The following NBAS variants were observed in gnomAD, a reference collection of about 807,000 sequenced individuals.
The protein encoded by NBAS is NAG/BC035112 fusion.
NBAS carries 219 observed loss-of-function variants against 302.5 expected under a neutral mutation model. The observed-to-expected ratio is 0.72, with a 90% CI of 0.65 to 0.81. The LOEUF is 0.81. Ranked by LOEUF, NBAS falls within the 30% of genes least tolerant of loss-of-function variation. The pLI is 0.00. For missense variants in NBAS, 2,932 were observed against 2,841.6 expected (o/e 1.03, Z -0.72); for synonymous variants, 1,118 against 1,021.6 (o/e 1.09, Z -1.80).
At chr2:15,292,904 G>T in intron 40 of NBAS, 138 bp from the exon 41 acceptor site, 1 of 874,234 alleles carries the variant, frequency 1.1e-6, no homozygotes, top group Non-Finnish European at 1.8e-6. Context: ...GGCTCACAAC[G>T]GCCCTGAAAA....
the NBAS span, among the ~76,000 whole-genome samples, chr2:15,025,211 T>C: frequency 1.3e-5 from 2 of 152,220 alleles, no homozygotes; most frequent in African/African-American, 2.4e-5. Flanking sequence ...ACACCATTTA[T>C]TGAATAAGGA....
the NBAS span, among the ~76,000 whole-genome samples, chr2:15,157,639 C>T: frequency 4.6e-5 from 7 of 152,288 alleles, no homozygotes; most frequent in South Asian, 8.3e-4. Flanking sequence ...TATTTCATCA[C>T]AAGCTACATC....
At chr2:15,425,674 T>C (rs1677434343) in intron 22 of NBAS, among the ~76,000 whole-genome samples, 1 of 152,142 alleles carries the variant, frequency 6.6e-6, no homozygotes, top group African/African-American at 2.4e-5. Flanking sequence ...TTAACATTCT[T>C]CCAGGGATTT....
the NBAS span, among the ~76,000 whole-genome samples, chr2:15,085,304 G>A: frequency 6.6e-6 from 1 of 152,076 alleles, no homozygotes; most frequent in Non-Finnish European, 1.5e-5. Flanking sequence ...CCCCACCAAG[G>A]GTGCCGTGTT....
chr2:15,354,089 G>C (rs558047193), intron 33 of NBAS, among the ~76,000 whole-genome samples: 1 of 152,154 alleles, frequency 6.6e-6, no homozygotes, highest in South Asian at 2.1e-4. Flanking sequence ...CTTTAAGAAA[G>C]AGCCAAAAGT....
intron 38 of NBAS, among the ~76,000 whole-genome samples, chr2:15,322,406 T>C (rs529956158): frequency 1.3e-5 from 2 of 151,756 alleles, no homozygotes; most frequent in Non-Finnish European, 2.9e-5. Context: ...AATAAATAAA[T>C]AAATAAAATT....
chr2:14,868,692 A>G, the NBAS span, among the ~76,000 whole-genome samples: 1 of 152,234 alleles, frequency 6.6e-6, no homozygotes, highest in East Asian at 1.9e-4. Flanking sequence ...CTAACTAACA[A>G]AGCAGGGATT....
At chr2:15,153,431 G>C in the NBAS span, among the ~76,000 whole-genome samples, 2 of 152,214 alleles carry the variant, frequency 1.3e-5, no homozygotes, top group South Asian at 4.1e-4. Context: ...TCATGAGAGG[G>C]CATTGCATGG....
At chr2:15,132,864 T>TAAA in the NBAS span, among the ~76,000 whole-genome samples, 1 of 146,498 alleles carries the variant, frequency 6.8e-6, no homozygotes. Flanking sequence ...ACAAACACAC[T>TAAA]AAAAAAAAAA....
chr2:15,242,889 A>T lies in NBAS; in HGVS notation c.5725-4203T>A, dbSNP rs150312108. On this transcript the variant is annotated intron_variant, in intron 44 of 51. Transcript: ENST00000281513. ...ATCAGTTAATAAATAGGTACTAAACATCTACTTTCCAAGACCTGTAAAAAA... is the reference window on the plus strand; with the variant it reads ...ATCAGTTAATAAATAGGTACTAAACTTCTACTTTCCAAGACCTGTAAAAAA... Among the ~76,000 whole-genome samples the T allele has an allele frequency of 2.0e-5, 3 of 152,288 alleles. No individual in the cohort carries two copies. In the East Asian group the frequency reaches 5.8e-4, roughly 29 times the overall value.
intron 21 of NBAS, among the ~76,000 whole-genome samples, chr2:15,450,387 C>T (rs1200886165): frequency 1.3e-5 from 2 of 152,162 alleles, no homozygotes; most frequent in Non-Finnish European, 2.9e-5. Flanking sequence ...CAAAAACATG[C>T]TCAACTTTCA....
chr2:14,938,551 A>C, the NBAS span, among the ~76,000 whole-genome samples: 117 of 152,344 alleles, frequency 7.7e-4, no homozygotes, highest in African/African-American at 2.8e-3. Context: ...ATTCTCTAGA[A>C]GACTAACTAT....
At chr2:14,882,225 T>C in the NBAS span, among the ~76,000 whole-genome samples, 2 of 152,058 alleles carry the variant, frequency 1.3e-5, no homozygotes, top group East Asian at 1.9e-4. Flanking sequence ...CAGTAATTCA[T>C]CCTATCTGCT....
intron 1 of NBAS, among the ~76,000 whole-genome samples, chr2:15,560,320 G>A (rs1174903573): frequency 6.6e-6 from 1 of 151,880 alleles, no homozygotes; most frequent in Non-Finnish European, 1.5e-5. Context: ...GACCCGGGAG[G>A]CCTTCACTAC....
the NBAS span, among the ~76,000 whole-genome samples, chr2:15,034,012 GAA>G: frequency 6.8e-3 from 347 of 50,968 alleles, 9 homozygotes; most frequent in African/African-American, 0.035. Context: ...AGAAGAAGAA[GAA>G]GAAGAAGAAG....
chr2:15,558,899 T>A (rs878959865), intron 1 of NBAS, among the ~76,000 whole-genome samples: 2 of 151,236 alleles, frequency 1.3e-5, no homozygotes, highest in Admixed American at 1.3e-4. Context: ...CAAAACCTCA[T>A]CTCTACAAAA....
Position 15,489,095 on chromosome 2 carries a change from C to T in NBAS, c.955-73G>A, listed in dbSNP as rs1007816376. 5 of 1,528,634 alleles carry T rather than the reference C, an allele frequency of 3.3e-6. No individual in the cohort carries two copies. The African/African-American group carries it at 6.8e-5, about 21-fold the overall frequency. 94.7% of individuals were successfully genotyped at this position (1,528,634 alleles called of 1,614,324 possible). On this transcript the variant is annotated intron_variant, in intron 11 of 51. Transcript: ENST00000281513. ...AAATAACTCAGAAGTAAATGACACT[C>T]TTTAGAGGTGCCAAGTTATAAATGA... is the stretch of plus-strand genomic sequence containing the variant.
At chr2:15,553,695 C>T (rs1227883139) in intron 4 of NBAS, among the ~76,000 whole-genome samples, 4 of 150,844 alleles carry the variant, frequency 2.7e-5, no homozygotes, top group Non-Finnish European at 5.9e-5. Flanking sequence ...TCTCTCTCCC[C>T]CACTCTCCCC....
intron 48 of NBAS, among the ~76,000 whole-genome samples, chr2:15,213,259 A>G (rs1391891236): frequency 2.0e-5 from 3 of 152,356 alleles, no homozygotes; most frequent in South Asian, 4.1e-4. Flanking sequence ...ATGTCAAATG[A>G]CATATGCTTG....
Sources: gnomAD v4.1 joint callset for allele counts (sites outside exome capture counted in the v4.1 genomes callset) on GRCh38, gnomAD v4.1.1 for gene constraint, MANE v1.5 for transcripts, NCBI Gene and HGNC (gene_info 2026-07-23, HGNC 2026-07-21) for gene names.